Variants in TMEM181 observed in about 807,000 individuals in gnomAD.
The protein encoded by TMEM181 is transmembrane protein 181, also known as G protein-coupled receptor 178.
In TMEM181, 39 loss-of-function variants were observed where a neutral mutation model predicts 71.9. That is an observed-to-expected ratio of 0.54 (90% confidence interval 0.42 to 0.71). The LOEUF is 0.71. Among genes scored for constraint, TMEM181 ranks in the 30% least tolerant of loss-of-function variants. The pLI, the probability that TMEM181 is intolerant of heterozygous loss-of-function variation, is 0.00. For missense variants in TMEM181, 595 were observed against 583.0 expected (o/e 1.02, Z -0.21); for synonymous variants, 245 against 228.8 (o/e 1.07, Z -0.64).
chr6:158,625,813 AT>A, intron 13 of TMEM181, 59 bp downstream of exon 13: 1 of 1,462,076 alleles, frequency 6.8e-7, no homozygotes, highest in South Asian at 1.2e-5. Context: ...ACTGTCAGGA[AT>A]ATCTGTTGCC....
At chr6:158,563,531 C>T (rs145138678) in intron 1 of TMEM181, among the ~76,000 whole-genome samples, 4 of 152,306 alleles carry the variant, frequency 2.6e-5, no homozygotes, top group African/African-American at 7.2e-5. Flanking sequence ...AGCCCAGGTT[C>T]CTAACCACCA....
rs745487868 is a variant in TMEM181 at position 158,631,341 on chromosome 6, A to G, written c.1301A>G (p.Asn434Ser). Residue 434 changes from asparagine to serine, a missense_variant, in exon 16 of 17, where the codon AAT (asparagine) becomes AGT (serine). Transcript: ENST00000684151. ...TTTTCAGAGTCCCAGCTGAAAGACA[A>G]TCCTGCCTTCTCCATGCTGAATGAC... ...NALYESQLKD[N>S]PAFSMLNDSD... 12 of 1,614,172 alleles carry G rather than the reference A, an allele frequency of 7.4e-6. No individual in the cohort carries two copies. Among genetic ancestry groups the G allele is most frequent in the African/African-American group, 1.3e-5 (1 of 75,060 alleles).
At chr6:158,584,190 G>A in intron 4 of TMEM181, 146 bp downstream of exon 4, 1 of 682,732 alleles carries the variant, frequency 1.5e-6, no homozygotes, top group African/African-American at 1.8e-5. Flanking sequence ...GCAACAAATT[G>A]GAAACCCCTT....
chr6:158,548,029 C>T (rs891217988), intron 1 of TMEM181, among the ~76,000 whole-genome samples: 2 of 152,160 alleles, frequency 1.3e-5, no homozygotes, highest in South Asian at 2.1e-4. Flanking sequence ...GGGGCTCCTT[C>T]GCCCCACGCT....
chr6:158,623,302 T>TA (rs766949132), intron 10 of TMEM181, among the ~76,000 whole-genome samples: 6 of 152,324 alleles, frequency 3.9e-5, no homozygotes, highest in African/African-American at 9.6e-5. Context: ...TTTTGTGTAA[T>TA]AAAAAATACT....
rs141361168 is a variant in TMEM181 at position 158,584,628 on chromosome 6, A to G, written c.259+584A>G. Among the ~76,000 whole-genome samples, 241 of 152,348 alleles carry G rather than the reference A, an allele frequency of 1.6e-3. 1 individual carries two copies. Among genetic ancestry groups the G allele is most frequent in the African/African-American group, 5.5e-3 (227 of 41,568 alleles). On this transcript the variant is annotated intron_variant, in intron 4 of 16. Transcript: ENST00000684151. ...TATCATCCTAGGGAGAATTGAGAAG[A>G]TAACCAAATCCTTTTCTGTTCTGTG...
intron 8 of TMEM181, among the ~76,000 whole-genome samples, chr6:158,607,639 C>T (rs1020788178): frequency 6.6e-6 from 1 of 152,290 alleles, no homozygotes; most frequent in African/African-American, 2.4e-5. Context: ...CACTTCACTC[C>T]AGCCTGGATA....
intron 6 of TMEM181, among the ~76,000 whole-genome samples, chr6:158,604,736 A>G (rs1237571971): frequency 1.3e-5 from 2 of 152,258 alleles, no homozygotes; most frequent in Non-Finnish European, 2.9e-5. Flanking sequence ...TTTGATGGAA[A>G]GTATGACTAT....
In TMEM181 at chr6:158,605,171, T is replaced by C. The variant is rs1211174434; in HGVS notation, c.493-96T>C. 3 of 890,160 alleles carry C rather than the reference T, an allele frequency of 3.4e-6. No homozygotes were observed. The East Asian group carries it at 7.4e-5, about 22-fold the overall frequency. 55.1% of individuals were successfully genotyped at this position (890,160 alleles called of 1,614,324 possible). On this transcript the variant is annotated intron_variant, in intron 6 of 16. Coordinates refer to ENST00000684151, the MANE Select transcript of TMEM181 (RefSeq NM_001376852.1). ...GTGTGTGTGTGTGTATGTGTATATA[T>C]TGTCTCATCTAGAGATAACTATTAG...
chr6:158,598,576 C>T (rs1328738676), intron 6 of TMEM181, among the ~76,000 whole-genome samples: 2 of 151,956 alleles, frequency 1.3e-5, no homozygotes, highest in African/African-American at 2.4e-5. Context: ...GTGCTTGCTA[C>T]ATCGTTGTCA....
intron 10 of TMEM181, among the ~76,000 whole-genome samples, chr6:158,616,775 G>T (rs1187952277): frequency 1.3e-5 from 2 of 152,128 alleles, no homozygotes. Context: ...CTGTTTATAT[G>T]CTGGATTACA....
At chr6:158,536,959 C>G (rs878954484) in intron 1 of TMEM181, 13 of 948,250 alleles carry the variant, frequency 1.4e-5, no homozygotes, top group Non-Finnish European at 1.7e-5. Flanking sequence ...GGCCTGGTCC[C>G]GCCGACGGCC....
chr6:158,573,616 A>C, intron 2 of TMEM181, 93 bp downstream of exon 2: 1 of 1,053,406 alleles, frequency 9.5e-7, no homozygotes, highest in Non-Finnish European at 1.4e-6. Context: ...CCTATCTTCC[A>C]CTGCTAAGGG....
At chr6:158,538,952 G>GAGCA (rs1260838325) in intron 1 of TMEM181, among the ~76,000 whole-genome samples, 1 of 152,216 alleles carries the variant, frequency 6.6e-6, no homozygotes, top group Admixed American at 6.5e-5. Flanking sequence ...AGAGAGAGAG[G>GAGCA]CTGGGCCAGG....
chr6:158,618,631 C>T (rs1017791658), intron 10 of TMEM181, among the ~76,000 whole-genome samples: 3 of 152,068 alleles, frequency 2.0e-5, no homozygotes, highest in Non-Finnish European at 2.9e-5. Flanking sequence ...TGGCTGGTAC[C>T]GTTGTTCCTT....
intron 10 of TMEM181, among the ~76,000 whole-genome samples, chr6:158,616,600 A>G (rs1187562768): frequency 1.3e-5 from 2 of 152,304 alleles, no homozygotes; most frequent in East Asian, 3.9e-4. Flanking sequence ...TTGCCCATTC[A>G]GTATGATATT....
chr6:158,559,466 C>T (rs142456162), upstream of TMEM181, among the ~76,000 whole-genome samples: 39 of 152,280 alleles, frequency 2.6e-4, no homozygotes, highest in African/African-American at 9.4e-4. Context: ...GAGTAATGCT[C>T]CAAAGAGAAT....
rs1362267602 is a variant in TMEM181, at chr6:158,620,388, A to C, written c.897-3162A>C. On this transcript the variant is annotated intron_variant, in intron 10 of 16. Transcript: ENST00000684151. The surrounding 1 kb of genome is among the most constrained non-coding windows in gnomAD (Gnocchi z 4.5). ...ACCGAACTTTCTCAGGTACCACGAG[A>C]AAGCCAGGAGAAGGCAGATCTTACC... is the stretch of plus-strand genomic sequence containing the variant. 6.6e-6 allele frequency among the ~76,000 whole-genome samples: 1 copy of C among 152,132 alleles called. No homozygotes were observed. Among genetic ancestry groups the C allele is most frequent in the Non-Finnish European group, 1.5e-5 (1 of 68,010 alleles).
intron 6 of TMEM181, 70 bp from the exon 7 acceptor site, chr6:158,605,197 T>C: frequency 8.9e-7 from 1 of 1,126,830 alleles, no homozygotes; most frequent in Non-Finnish European, 1.3e-6. Flanking sequence ...TAACTATTAG[T>C]AATCTGGTGT....
Sources: allele counts gnomAD v4.1 joint callset (sites outside exome capture counted in the v4.1 genomes callset), GRCh38; gene constraint gnomAD v4.1.1; non-coding constraint Gnocchi (gnomAD v3.1); transcripts MANE v1.5; gene names NCBI Gene and HGNC (gene_info 2026-07-23, HGNC 2026-07-21).